The following ZNF675 variants were observed in gnomAD, a reference collection of about 807,000 sequenced individuals.
ZNF675 encodes the protein zinc finger protein 675.
ZNF675 carries 36 observed loss-of-function variants against 56.1 expected under a neutral mutation model. The ratio of observed to expected loss-of-function variants is 0.64; its 90% confidence interval spans 0.49 to 0.85. The LOEUF is 0.85. ZNF675 is among the 40% of genes least tolerant of loss of function. ZNF675 has a pLI of 0.00. For synonymous variants in ZNF675, 200 were observed against 218.9 expected (o/e 0.91, Z 0.76); for missense variants, 663 against 654.2 (o/e 1.01, Z -0.15).
intron 1 of ZNF675, among the ~76,000 whole-genome samples, chr19:23,683,436 G>A (rs1163673248): frequency 6.7e-6 from 1 of 148,672 alleles, no homozygotes; most frequent in Admixed American, 6.6e-5. Flanking sequence ...CAGCCAAAAA[G>A]GAAGAGAGAT....
chr19:23,685,228 T>C (rs1330179036), intron 1 of ZNF675, among the ~76,000 whole-genome samples: 1 of 152,118 alleles, frequency 6.6e-6, no homozygotes, highest in African/African-American at 2.4e-5. Context: ...ACTCCCAAAG[T>C]GCTGGGATTA....
In ZNF675 at chr19:23,653,272, T is replaced by C. The variant is rs1967934220; in HGVS notation, c.1661A>G (p.His554Arg). ...TTTCTCTCCAGTATGTATTTTTTTATGTTTAGTAAGGTTTGCAGATTGGTT... is the reference window on the plus strand; with the variant it reads ...TTTCTCTCCAGTATGTATTTTTTTACGTTTAGTAAGGTTTGCAGATTGGTT... ...AFNQSANLTKHKKIHTGEKLQ... is the reference protein window; with the variant it reads ...AFNQSANLTKRKKIHTGEKLQ... The change falls in exon 4 of 4, where the codon CAT becomes CGT. Residue 554 changes from histidine (H) to arginine (R), a missense_variant. By Grantham distance (29) the His-to-Arg change is conservative. Around this residue, in one of 3 missense-constraint regions of ZNF675, gnomAD observed 617 missense variants for 590.5 expected, o/e 1.04. Coordinates refer to ENST00000359788, the MANE Select transcript of ZNF675 (RefSeq NM_138330.3). 2 of 1,610,702 alleles carry C rather than the reference T, an allele frequency of 1.2e-6. No individual in the cohort carries two copies. The highest frequency in any genetic ancestry group is 1.7e-6 in the Non-Finnish European group (2 of 1,178,646).
chr19:23,668,185 C>T (rs1046951039), intron 1 of ZNF675, among the ~76,000 whole-genome samples: 2 of 151,440 alleles, frequency 1.3e-5, no homozygotes, highest in Non-Finnish European at 2.9e-5. Flanking sequence ...GAGCTAGATA[C>T]AGAGTGCCGA....
At chr19:23,680,275 G>A (rs1968359841) in intron 1 of ZNF675, among the ~76,000 whole-genome samples, 1 of 151,550 alleles carries the variant, frequency 6.6e-6, no homozygotes, top group Non-Finnish European at 1.5e-5. Context: ...CTGCACTCTA[G>A]CCTGGGGACA....
At chr19:23,683,654 T>A (rs1425234986) in intron 1 of ZNF675, among the ~76,000 whole-genome samples, 1 of 152,084 alleles carries the variant, frequency 6.6e-6, no homozygotes, top group Non-Finnish European at 1.5e-5. Context: ...ACTCGTGACC[T>A]CGTGATCTGC....
chr19:23,667,161 G>GT (rs1325514211), intron 1 of ZNF675, among the ~76,000 whole-genome samples: 4 of 151,948 alleles, frequency 2.6e-5, no homozygotes, highest in African/African-American at 7.3e-5. Flanking sequence ...CGCGGTGAGT[G>GT]TTACAGCTCT....
intron 2 of ZNF675, among the ~76,000 whole-genome samples, chr19:23,662,607 GA>G (rs1339554540): frequency 1.3e-5 from 2 of 152,194 alleles, no homozygotes; most frequent in African/African-American, 4.8e-5. Context: ...ACAGGGATCT[GA>G]AACTCATTTA....
Position 23,653,311 on chromosome 19 carries a change from C to G in ZNF675, c.1622G>C (p.Cys541Ser). The G allele has an allele frequency of 6.2e-7, 1 of 1,613,722 alleles. No homozygotes were observed. The highest frequency in any genetic ancestry group is 8.5e-7 in the Non-Finnish European group (1 of 1,179,900). Residue 541 changes from cysteine to serine, a missense_variant, in exon 4 of 4, where the codon TGT becomes TCT. Cys to Ser is a moderately radical substitution (Grantham distance 112, BLOSUM62 -1). Coordinates refer to ENST00000359788, the MANE Select transcript of ZNF675 (RefSeq NM_138330.3). Reference protein sequence around the residue: ...TGEKPYKCERCDKAFNQSANL... With the variant: ...TGEKPYKCERSDKAFNQSANL... ...TGCAGATTGGTTAAAAGCTTTGTCA[C>G]ATCTCTCACATTTATAGGGTTTCTC... is the stretch of plus-strand genomic sequence containing the variant.
intron 1 of ZNF675, among the ~76,000 whole-genome samples, chr19:23,664,242 C>T (rs528074743): frequency 3.3e-4 from 50 of 152,152 alleles, no homozygotes; most frequent in African/African-American, 1.1e-3. Flanking sequence ...ATTCTTTTCA[C>T]ATGCGATTCT....
At chr19:23,667,674 T>G (rs1287414755) in intron 1 of ZNF675, among the ~76,000 whole-genome samples, 1 of 140,388 alleles carries the variant, frequency 7.1e-6, no homozygotes, top group Non-Finnish European at 1.5e-5. Context: ...ATACAGAGTG[T>G]CAATTGGTGC....
At chr19:23,658,918 G>GATCTATAGATATCTATAGATATAT (rs1968036563) in intron 3 of ZNF675, among the ~76,000 whole-genome samples, 1 of 7,210 alleles carries the variant, frequency 1.4e-4, no homozygotes, top group African/African-American at 3.4e-4. Context: ...GATAGATATA[G>GATCTATAGATATCTATAGATATAT]ATCTATAGAT....
At chr19:23,673,431 C>T (rs759876214) in intron 1 of ZNF675, among the ~76,000 whole-genome samples, 32 of 152,130 alleles carry the variant, frequency 2.1e-4, no homozygotes, top group Non-Finnish European at 3.8e-4. Flanking sequence ...CTGTGAAGTT[C>T]GTAGAAATCT....
intron 1 of ZNF675, among the ~76,000 whole-genome samples, chr19:23,674,056 A>T (rs1311682967): frequency 1.3e-5 from 2 of 151,324 alleles, no homozygotes; most frequent in African/African-American, 4.9e-5. Flanking sequence ...TACAAAAATC[A>T]GCCGGGCATG....
chr19:23,658,949 C>A lies in ZNF675; in HGVS notation c.226+3165G>T, dbSNP rs1363011359. Among the ~76,000 whole-genome samples, 7 of 14,190 alleles carry A rather than the reference C, an allele frequency of 4.9e-4. No homozygotes were observed. The South Asian group carries it at 0.022, about 46-fold the overall frequency. The allele number at this position is 14,190 out of a possible 152,430, so 9.3% of individuals were successfully genotyped here. On this transcript the variant is annotated intron_variant, in intron 3 of 3. Transcript: ENST00000359788. ...TAGATACCGATCTATAGATATAGAT[C>A]TCTAGAGATCTATAGATAGATATAG...
At chr19:23,667,983 C>A (rs1443872891) in intron 1 of ZNF675, among the ~76,000 whole-genome samples, 1 of 145,330 alleles carries the variant, frequency 6.9e-6, no homozygotes, top group Non-Finnish European at 1.5e-5. Context: ...AGCAGCTAGA[C>A]ACAGAGTGTC....
chr19:23,671,856 A>T (rs1440502431), intron 1 of ZNF675, among the ~76,000 whole-genome samples: 1 of 152,108 alleles, frequency 6.6e-6, no homozygotes, highest in East Asian at 1.9e-4. Context: ...GTACCAGGAA[A>T]CTGGAGAAAC....
intron 1 of ZNF675, among the ~76,000 whole-genome samples, chr19:23,675,001 T>G (rs1478670231): frequency 2.7e-5 from 4 of 149,960 alleles, no homozygotes; most frequent in Non-Finnish European, 5.9e-5. Flanking sequence ...AGAGAGAGCC[T>G]TTTATTTCTA....
At chr19:23,663,858 A>AT (rs1338018229) in intron 1 of ZNF675, among the ~76,000 whole-genome samples, 4 of 152,194 alleles carry the variant, frequency 2.6e-5, no homozygotes, top group South Asian at 2.1e-4. Flanking sequence ...GATGTTCTCC[A>AT]TTTTTACTAA....
chr19:23,654,280 T>A lies in ZNF675; in HGVS notation c.653A>T (p.His218Leu), dbSNP rs1477248626. The A allele has an allele frequency of 6.2e-7, 1 of 1,611,932 alleles. No homozygotes were observed. Among genetic ancestry groups the A allele is most frequent in the Non-Finnish European group, 8.5e-7 (1 of 1,179,532 alleles). Residue 218 changes from histidine (H) to leucine (L), a missense_variant, in exon 4 of 4, where the codon CAT becomes CTT. Coordinates refer to ENST00000359788, the MANE Select transcript of ZNF675 (RefSeq NM_138330.3). ...AVNQSSKLTK[H>L]KRIYTCEKLY... ...TTTCTCACAAGTATAAATTCTTTTA[T>A]GTTTAGTAAGCTTTGAAGATTGGTT...
Sources: allele counts gnomAD v4.1 joint callset (sites outside exome capture counted in the v4.1 genomes callset), GRCh38; gene constraint gnomAD v4.1.1; regional missense constraint gnomAD v4.1.1; transcripts MANE v1.5; gene names NCBI Gene and HGNC (gene_info 2026-07-23, HGNC 2026-07-21).